LUZP2: variants seen among roughly 807,000 people sequenced by gnomAD.
The protein encoded by LUZP2 is leucine zipper protein 2.
In LUZP2, 52 loss-of-function variants were observed where a neutral mutation model predicts 51.6. That is an observed-to-expected ratio of 1.01 (90% CI 0.81 to 1.27). The LOEUF is 1.27. Among genes scored for constraint, LUZP2 ranks in the 50% most tolerant of loss-of-function variants. The pLI, the probability that LUZP2 is intolerant of heterozygous loss-of-function variation, is 0.00. For synonymous variants in LUZP2, 154 were observed against 137.3 expected, an observed-to-expected ratio of 1.12 and a Z score of -0.85; for missense variants, 436 against 395.4, an observed-to-expected ratio of 1.10 and a Z score of -0.87.
chr11:24,708,687 A>T (rs1857699657), intron 1 of LUZP2, among the ~76,000 whole-genome samples: 1 of 152,266 alleles, frequency 6.6e-6, no homozygotes, highest in East Asian at 1.9e-4. Context: ...TCTTATTCAG[A>T]AGCCCAAAGT....
chr11:24,503,495 C>A (rs915133571), intron 1 of LUZP2, among the ~76,000 whole-genome samples: 1 of 152,152 alleles, frequency 6.6e-6, no homozygotes, highest in African/African-American at 2.4e-5. Context: ...TTCGTAAACC[C>A]TAGGAGACAT....
chr11:24,616,964 G>A (rs886957735), intron 1 of LUZP2, among the ~76,000 whole-genome samples: 1 of 152,184 alleles, frequency 6.6e-6, no homozygotes, highest in Non-Finnish European at 1.5e-5. Flanking sequence ...TGAAAAGAAT[G>A]TATTCGGCTT....
chr11:24,719,743 T>C (rs1046220185), intron 1 of LUZP2, among the ~76,000 whole-genome samples: 4 of 152,244 alleles, frequency 2.6e-5, no homozygotes, highest in Non-Finnish European at 5.9e-5. Context: ...TAACTGATAC[T>C]GTTTGATTGA....
chr11:24,527,686 C>A (rs1405280441), intron 1 of LUZP2, among the ~76,000 whole-genome samples: 1 of 151,108 alleles, frequency 6.6e-6, no homozygotes, highest in East Asian at 1.9e-4. Flanking sequence ...CACACACAAA[C>A]CCCACTTAAT....
chr11:24,846,835 G>A (rs942041485), intron 5 of LUZP2, among the ~76,000 whole-genome samples: 1 of 151,610 alleles, frequency 6.6e-6, no homozygotes, highest in Non-Finnish European at 1.5e-5. Context: ...ATGTGTGTGT[G>A]TATACATATA....
chr11:24,574,735 C>T (rs957358592), intron 1 of LUZP2, among the ~76,000 whole-genome samples: 12 of 152,152 alleles, frequency 7.9e-5, no homozygotes, highest in Non-Finnish European at 8.8e-5. Flanking sequence ...ATCCTATCCT[C>T]TCACAGAGAC....
intron 5 of LUZP2, among the ~76,000 whole-genome samples, chr11:24,885,187 T>C (rs569256971): frequency 6.6e-6 from 1 of 152,202 alleles, no homozygotes; most frequent in Admixed American, 6.6e-5. Context: ...AAAATAATAA[T>C]GCCTTATAAA....
chr11:24,538,086 G>A (rs188812413), intron 1 of LUZP2, among the ~76,000 whole-genome samples: 5 of 151,800 alleles, frequency 3.3e-5, no homozygotes, highest in East Asian at 1.9e-4. Flanking sequence ...TGCACACACC[G>A]CAAGATGTGA....
At position 25,074,195 on chromosome 11, in the gene LUZP2, C is replaced by A. The variant is rs146319434; in HGVS notation, c.859-3134C>A. Among the ~76,000 whole-genome samples the A allele has an allele frequency of 5.3e-3, 811 of 152,232 alleles. 5 individuals carry two copies. Among genetic ancestry groups the A allele is most frequent in the African/African-American group, 0.019 (771 of 41,560 alleles). On this transcript the variant is annotated intron_variant, in intron 10 of 11. Coordinates refer to ENST00000336930, the MANE Select transcript of LUZP2 (RefSeq NM_001009909.4). ...GAGTGAGGGAACTCTATTAGAAACCCACCCTTTGTGCCTCATCATATTGAG... is the reference window on the plus strand; with the variant it reads ...GAGTGAGGGAACTCTATTAGAAACCAACCCTTTGTGCCTCATCATATTGAG...
intron 1 of LUZP2, among the ~76,000 whole-genome samples, chr11:24,566,885 T>G (rs1852251857): frequency 7.6e-6 from 1 of 131,422 alleles, no homozygotes; most frequent in Non-Finnish European, 1.6e-5. Context: ...TTATAACATA[T>G]ATACATATTT....
At chr11:24,995,961 A>C (rs568620701) in intron 9 of LUZP2, among the ~76,000 whole-genome samples, 163 of 151,786 alleles carry the variant, frequency 1.1e-3, no homozygotes, top group Non-Finnish European at 2.0e-3. Flanking sequence ...AAAATCCAGT[A>C]AAATTTTTTG....
intron 1 of LUZP2, among the ~76,000 whole-genome samples, chr11:24,548,147 T>C (rs910835719): frequency 6.6e-6 from 1 of 151,998 alleles, no homozygotes; most frequent in Admixed American, 6.6e-5. Flanking sequence ...CCTGGAGATT[T>C]CACAAGGAAC....
chr11:25,069,794 A>G (rs1391741424), intron 10 of LUZP2, among the ~76,000 whole-genome samples: 2 of 151,846 alleles, frequency 1.3e-5, no homozygotes, highest in Non-Finnish European at 2.9e-5. Context: ...ATTATACTAT[A>G]AATTTTTTCT....
intron 5 of LUZP2, among the ~76,000 whole-genome samples, chr11:24,812,447 A>G (rs1319090098): frequency 1.3e-5 from 2 of 152,206 alleles, no homozygotes; most frequent in Admixed American, 6.5e-5. Context: ...TGAAATATCA[A>G]TAACAATTTG....
intron 5 of LUZP2, among the ~76,000 whole-genome samples, chr11:24,814,823 T>G (rs1850126089): frequency 2.0e-5 from 3 of 152,002 alleles, no homozygotes; most frequent in African/African-American, 7.3e-5. Context: ...AAACCCCTTC[T>G]CTACTAAAAA....
chr11:24,541,151 G>C (rs1375470873), intron 1 of LUZP2, among the ~76,000 whole-genome samples: 2 of 151,652 alleles, frequency 1.3e-5, no homozygotes, highest in Middle Eastern at 3.2e-3. Flanking sequence ...TACTTGGGAG[G>C]CTGAGGCAGG....
intron 5 of LUZP2, among the ~76,000 whole-genome samples, chr11:24,886,836 T>C (rs548388096): frequency 8.3e-4 from 127 of 152,326 alleles, no homozygotes; most frequent in African/African-American, 2.7e-3. Context: ...AAGTTTGTGT[T>C]CATCTCTCAA....
At position 24,497,097 on chromosome 11, in the gene LUZP2, C is replaced by G; in HGVS notation, c.-147C>G. On this transcript the variant is annotated 5_prime_UTR_variant, in exon 1 of 12. Coordinates refer to ENST00000336930, the MANE Select transcript of LUZP2 (RefSeq NM_001009909.4). ...GCTCCCAGCGCCTGCCTTCCCCAGG[C>G]GTCCGTTCGTGTGCCCGTCTCCGCC... The G allele has an allele frequency of 1.7e-6, 1 of 583,224 alleles. No homozygotes were observed. The highest frequency in any genetic ancestry group is 3.4e-5 in the East Asian group (1 of 29,668). The allele number at this position is 583,224 out of a possible 1,614,324, so 36.1% of individuals were successfully genotyped here.
intron 1 of LUZP2, among the ~76,000 whole-genome samples, chr11:24,585,159 C>A (rs1853018859): frequency 6.6e-6 from 1 of 152,102 alleles, no homozygotes; most frequent in African/African-American, 2.4e-5. Context: ...ACAGCATAAA[C>A]ATAGGTAAAT....
Sources: allele counts gnomAD v4.1 joint callset (sites outside exome capture counted in the v4.1 genomes callset), GRCh38; gene constraint gnomAD v4.1.1; transcripts MANE v1.5; gene names NCBI Gene and HGNC (gene_info 2026-07-23, HGNC 2026-07-21).